PCDHGB1: variants seen among roughly 807,000 people sequenced by gnomAD.
PCDHGB1 encodes the protein protocadherin gamma subfamily B, 1.
A neutral mutation model predicts 56.6 loss-of-function variants in PCDHGB1; 34 were observed. The ratio of observed to expected loss-of-function variants is 0.60; its 90% CI spans 0.46 to 0.80. The LOEUF is 0.80. Among genes scored for constraint, PCDHGB1 ranks in the 30% least tolerant of loss-of-function variants. The pLI, the probability that PCDHGB1 is intolerant of heterozygous loss-of-function variation, is 0.00. For synonymous variants in PCDHGB1, 561 were observed against 505.9 expected, an observed-to-expected ratio of 1.11 and a Z score of -1.46; for missense variants, 1,278 against 1,204.6, an observed-to-expected ratio of 1.06 and a Z score of -0.90.
chr5:141,372,633 A>ACTT, intron 1 of PCDHGB1: 1 of 1,613,996 alleles, frequency 6.2e-7, no homozygotes, highest in Non-Finnish European at 8.5e-7. Context: ...CAGCGAAAGG[A>ACTT]CTTTGCCTTA....
chr5:141,408,661 G>A (rs1462103250), intron 1 of PCDHGB1: 1 of 1,613,770 alleles, frequency 6.2e-7, no homozygotes, highest in Non-Finnish European at 8.5e-7. Context: ...CACGACTATC[G>A]CTTGACCCTG....
chr5:141,402,994 C>A (rs1253121982), intron 1 of PCDHGB1: 1 of 1,613,722 alleles, frequency 6.2e-7, no homozygotes, highest in Non-Finnish European at 8.5e-7. Context: ...GAAGATTAGT[C>A]CTGCTATGCT....
At chr5:141,379,481 A>G (rs969144576) in intron 1 of PCDHGB1, 6 of 152,256 alleles carry the variant, frequency 3.9e-5, no homozygotes, top group Non-Finnish European at 5.9e-5. Context: ...ATGTTATTTT[A>G]CTATACTACC....
At chr5:141,472,980 C>CAA (rs60579131) in intron 1 of PCDHGB1, among the ~76,000 whole-genome samples, 188 of 86,094 alleles carry the variant, frequency 2.2e-3, no homozygotes, top group Non-Finnish European at 3.2e-3. Flanking sequence ...GAGTGAAACT[C>CAA]AAAAAAAAAA....
At chr5:141,492,195 CTT>C (rs1240529719) in intron 1 of PCDHGB1, among the ~76,000 whole-genome samples, 1 of 152,242 alleles carries the variant, frequency 6.6e-6, no homozygotes, top group Non-Finnish European at 1.5e-5. Context: ...GTCTGCGGGA[CTT>C]AGGTGTGCGC....
In PCDHGB1 at chr5:141,415,509, T is replaced by C. The variant is rs1296405723; in HGVS notation, c.2409+62840T>C. The C allele has an allele frequency of 4.3e-6, 7 of 1,614,054 alleles. No individual in the cohort carries two copies. In the Admixed American group the frequency reaches 5.0e-5, roughly 12 times the overall value. On this transcript the variant is annotated intron_variant, in intron 1 of 3. Transcript: ENST00000523390. ...GTCACCTGATCTTCCCCCAGCCCAA[T>C]TATGCGGACACGCTCATCAGCCAGG...
At chr5:141,420,412 T>G in intron 1 of PCDHGB1, 1 of 1,225,004 alleles carries the variant, frequency 8.2e-7, no homozygotes, top group African/African-American at 1.6e-5. Flanking sequence ...TGGTTATCAT[T>G]ATTAAAACAA....
At chr5:141,383,843 A>T in intron 1 of PCDHGB1, 1 of 1,613,970 alleles carries the variant, frequency 6.2e-7, no homozygotes, top group Non-Finnish European at 8.5e-7. Context: ...ACTGCCTTCT[A>T]TGAAATGGAG....
chr5:141,419,698 G>A, intron 1 of PCDHGB1: 1 of 1,612,978 alleles, frequency 6.2e-7, no homozygotes, highest in Non-Finnish European at 8.5e-7. Context: ...AGGCCAGTGA[G>A]CCCGGGCTCT....
At chr5:141,403,225 C>T (rs2154532251) in intron 1 of PCDHGB1, 2 of 1,613,958 alleles carry the variant, frequency 1.2e-6, no homozygotes, top group Non-Finnish European at 1.7e-6. Flanking sequence ...GTAGGATAGA[C>T]CGGGAGGAGC....
intron 1 of PCDHGB1, among the ~76,000 whole-genome samples, chr5:141,381,599 T>C (rs1273652437): frequency 9.9e-5 from 15 of 152,240 alleles, no homozygotes; most frequent in Admixed American, 9.8e-4. Flanking sequence ...CAGTTTCTTA[T>C]GAATTCACAG....
intron 1 of PCDHGB1, chr5:141,370,991 C>T (rs753428613): frequency 4.3e-6 from 7 of 1,613,954 alleles, no homozygotes; most frequent in Non-Finnish European, 5.9e-6. Flanking sequence ...TGAAAGCACC[C>T]CTGGACAGGG....
At chr5:141,456,306 G>C (rs937409031) in intron 1 of PCDHGB1, among the ~76,000 whole-genome samples, 1 of 152,158 alleles carries the variant, frequency 6.6e-6, no homozygotes, top group Non-Finnish European at 1.5e-5. Context: ...GAGAACAGCA[G>C]CTAGGGCTCC....
chr5:141,416,412 A>G (rs1391280535), intron 1 of PCDHGB1: 1 of 152,182 alleles, frequency 6.6e-6, no homozygotes, highest in Non-Finnish European at 1.5e-5. Flanking sequence ...TTTTTGTTAA[A>G]TTTTCTAGTG....
At chr5:141,414,280 G>A (rs1448512468) in intron 1 of PCDHGB1, 2 of 1,613,604 alleles carry the variant, frequency 1.2e-6, no homozygotes, top group Admixed American at 1.7e-5. Context: ...TCTGGGAACA[G>A]TCGTAGCCCT....
At chr5:141,492,495 G>A (rs750427038) in intron 1 of PCDHGB1, among the ~76,000 whole-genome samples, 65 of 152,186 alleles carry the variant, frequency 4.3e-4, no homozygotes, top group Non-Finnish European at 6.0e-4. Context: ...ACCAGGCGAG[G>A]ACTCCGGAGC....
chr5:141,423,154 C>A, intron 1 of PCDHGB1: 1 of 1,613,466 alleles, frequency 6.2e-7, no homozygotes, highest in South Asian at 1.1e-5. Flanking sequence ...CAAGCAGAGC[C>A]TCGTGGTGGC....
At chr5:141,419,201 A>C in intron 1 of PCDHGB1, 1 of 1,613,998 alleles carries the variant, frequency 6.2e-7, no homozygotes, top group South Asian at 1.1e-5. Context: ...CGTCAATGAC[A>C]ACGCGCCGGT....
At chr5:141,474,159 G>A (rs2154571930) in intron 1 of PCDHGB1, among the ~76,000 whole-genome samples, 1 of 152,226 alleles carries the variant, frequency 6.6e-6, no homozygotes, top group South Asian at 2.1e-4. Context: ...GAAAATGACA[G>A]GCCTTATTAT....
Sources: gnomAD v4.1 joint callset for allele counts (sites outside exome capture counted in the v4.1 genomes callset) on GRCh38, gnomAD v4.1.1 for gene constraint, MANE v1.5 for transcripts, NCBI Gene and HGNC (gene_info 2026-07-23, HGNC 2026-07-21) for gene names.